TTC6: variants seen among roughly 807,000 people sequenced by gnomAD.
The protein encoded by TTC6 is tetratricopeptide repeat domain 6, also known as tetratricopeptide repeat protein 6.
Under a neutral mutation model 210.4 loss-of-function variants are expected in TTC6, and 172 were observed. The ratio of observed to expected loss-of-function variants is 0.82; its 90% CI spans 0.72 to 0.93. The LOEUF is 0.93. TTC6 is among the 40% of genes least tolerant of loss of function. The pLI, the probability that TTC6 is intolerant of heterozygous loss-of-function variation, is 0.00. For missense variants in TTC6, 2,414 were observed against 2,318.1 expected, an observed-to-expected ratio of 1.04 and a Z score of -0.85; for synonymous variants, 804 against 819.6, an observed-to-expected ratio of 0.98 and a Z score of 0.32.
intron 14 of TTC6, among the ~76,000 whole-genome samples, chr14:37,779,466 C>T (rs1305481918): frequency 6.6e-6 from 1 of 151,984 alleles, no homozygotes; most frequent in East Asian, 1.9e-4. Flanking sequence ...TTTTCTTTGT[C>T]TTTAAAATTT....
At chr14:37,664,747 A>G (rs965522830) in intron 1 of TTC6, among the ~76,000 whole-genome samples, 2 of 150,700 alleles carry the variant, frequency 1.3e-5, no homozygotes, top group African/African-American at 4.8e-5. Context: ...TTTGCAATCT[A>G]TCCATCTGAC....
chr14:37,792,337 T>C (rs1166032229), exon 17 of TTC6: 2 of 1,533,234 alleles, frequency 1.3e-6, no homozygotes, highest in African/African-American at 2.7e-5. Context: ...GGAAGCTATT[T>C]GGCAATTTTC....
chr14:37,766,257 T>A (rs1221989391), intron 14 of TTC6, among the ~76,000 whole-genome samples: 1 of 152,218 alleles, frequency 6.6e-6, no homozygotes, highest in African/African-American at 2.4e-5. Context: ...TGCACATTTA[T>A]GATATAGGTA....
chr14:37,720,512 C>G (rs1035647741), intron 6 of TTC6: 1 of 150,894 alleles, frequency 6.6e-6, no homozygotes, highest in Non-Finnish European at 1.5e-5. Flanking sequence ...TGAACCATTG[C>G]TCAGCCTCCT....
At chr14:37,839,824 A>G (rs1051715543) in intron 29 of TTC6, among the ~76,000 whole-genome samples, 9 of 152,272 alleles carry the variant, frequency 5.9e-5, no homozygotes, top group Admixed American at 3.3e-4. Context: ...TAATTTTTGT[A>G]TAAGGTGGAA....
Position 37,790,680 on chromosome 14 carries a change from G to A in TTC6, c.3437-37G>A, listed in dbSNP as rs1029894978. ...GTATAATTTACCTATGGTTATTTTA[G>A]AACCTGAATGAAATACATTTTTTTA... On this transcript the variant is annotated intron_variant, in intron 15 of 30. Transcript: ENST00000553443. 8.7e-6 allele frequency: 13 copies of A among 1,494,520 alleles called. No individual in the cohort carries two copies. The Admixed American group carries it at 2.0e-4, about 23-fold the overall frequency. The allele number at this position is 1,494,520 out of a possible 1,614,324, so 92.6% of individuals were successfully genotyped here. A position where few individuals can be genotyped will look rare whatever the true frequency, so the allele number is the denominator to read the frequency against.
At chr14:37,740,566 C>G (rs1009378063) in intron 10 of TTC6, among the ~76,000 whole-genome samples, 2 of 152,150 alleles carry the variant, frequency 1.3e-5, no homozygotes, top group African/African-American at 4.8e-5. Flanking sequence ...GACTTATTGT[C>G]CTTGAGAAGA....
intron 1 of TTC6, among the ~76,000 whole-genome samples, chr14:37,641,098 G>A (rs992200731): frequency 3.3e-5 from 5 of 152,234 alleles, no homozygotes; most frequent in Non-Finnish European, 7.3e-5. Flanking sequence ...TGCTTAACAT[G>A]TAAAGTTGAT....
At chr14:37,649,011 C>T (rs2095706600) in intron 1 of TTC6, among the ~76,000 whole-genome samples, 1 of 152,076 alleles carries the variant, frequency 6.6e-6, no homozygotes, top group Admixed American at 6.6e-5. Flanking sequence ...CCCCACCCCC[C>T]AGGATATATA....
chr14:37,755,625 T>C (rs2095965313), intron 14 of TTC6, among the ~76,000 whole-genome samples: 1 of 152,216 alleles, frequency 6.6e-6, no homozygotes, highest in Admixed American at 6.5e-5. Context: ...GCACCATTTA[T>C]TAAATAGGGA....
At chr14:37,757,243 T>A (rs932109563) in intron 14 of TTC6, among the ~76,000 whole-genome samples, 5 of 151,890 alleles carry the variant, frequency 3.3e-5, no homozygotes, top group South Asian at 2.1e-4. Context: ...TTTTCTTCTT[T>A]ATTTTAATTA....
intron 14 of TTC6, among the ~76,000 whole-genome samples, chr14:37,767,515 C>T (rs1302943183): frequency 2.0e-5 from 3 of 152,280 alleles, no homozygotes; most frequent in Non-Finnish European, 4.4e-5. Flanking sequence ...GATGGTATCT[C>T]ATTGTGGTTT....
At chr14:37,723,847 T>G (rs1026139312) in intron 6 of TTC6, among the ~76,000 whole-genome samples, 1 of 152,172 alleles carries the variant, frequency 6.6e-6, no homozygotes, top group Non-Finnish European at 1.5e-5. Context: ...TAAATGATTT[T>G]AAAAAATTCA....
At chr14:37,613,440 T>C (rs1428526739) in intron 2 of TTC6, among the ~76,000 whole-genome samples, 1 of 152,132 alleles carries the variant, frequency 6.6e-6, no homozygotes, top group African/African-American at 2.4e-5. Context: ...GGAATATTAG[T>C]ATGTAATTTT....
At chr14:37,730,220 T>C (rs888859666) in intron 7 of TTC6, among the ~76,000 whole-genome samples, 5 of 152,350 alleles carry the variant, frequency 3.3e-5, no homozygotes, top group African/African-American at 1.2e-4. Flanking sequence ...ATTTTTTGTT[T>C]GATGCTGTCT....
intron 3 of TTC6, among the ~76,000 whole-genome samples, chr14:37,692,225 A>AAG (rs1555387761): frequency 1.2e-4 from 16 of 132,334 alleles, no homozygotes; most frequent in Admixed American, 6.5e-4. Flanking sequence ...AAAAAAAAAA[A>AAG]AAAAAAAGAA....
chr14:37,612,589 G>T (rs554593799), intron 2 of TTC6, among the ~76,000 whole-genome samples: 4 of 152,134 alleles, frequency 2.6e-5, no homozygotes, highest in African/African-American at 9.7e-5. Flanking sequence ...TGGGAGAATC[G>T]TGATTTTAAG....
chr14:37,821,014 TTCTTCTTCC>T (rs1344921103), intron 26 of TTC6, among the ~76,000 whole-genome samples: 2 of 67,374 alleles, frequency 3.0e-5, no homozygotes, highest in African/African-American at 9.0e-5. Context: ...GCTCTTCTTC[TTCTTCTTCC>T]TCTTCTTCTT....
Position 37,701,520 on chromosome 14 carries a change from CAGAT to C in TTC6, c.1568_1571del (p.Asp523GlufsTer74). On this transcript the variant is annotated frameshift_variant and splice_region_variant, in exon 5 of 31. Transcript: ENST00000553443. LOFTEE classifies it high-confidence loss of function. ...GATCGCTTTACAGATGAAGAACAAA[CAGAT>C]AGGTAAGAGTTCCACTGGTAATTTG... The C allele has an allele frequency of 6.8e-7, 1 of 1,461,624 alleles. No homozygotes were observed. The highest frequency in any genetic ancestry group is 9.0e-7 in the Non-Finnish European group (1 of 1,114,972). The allele number at this position is 1,461,624 out of a possible 1,614,324, so 90.5% of individuals were successfully genotyped here. A position where few individuals can be genotyped will look rare whatever the true frequency, so the allele number is the denominator to read the frequency against.
Sources: gnomAD v4.1 joint callset for allele counts (sites outside exome capture counted in the v4.1 genomes callset) on GRCh38, gnomAD v4.1.1 for gene constraint, MANE v1.5 for transcripts, NCBI Gene and HGNC (gene_info 2026-07-23, HGNC 2026-07-21) for gene names.